Variants in MAX observed in about 807,000 individuals in gnomAD.
The protein encoded by MAX is protein max.
A neutral mutation model predicts 22.3 loss-of-function variants in MAX; 3 were observed. The observed-to-expected ratio is 0.13, with a 90% CI of 0.06 to 0.35. MAX has a LOEUF of 0.35. Among genes scored for constraint, MAX ranks in the 10% least tolerant of loss-of-function variants. The probability of loss-of-function intolerance (pLI) is 1.00; values close to 1 mark genes in which losing one functional copy is unlikely to be tolerated. For missense variants in MAX, 119 were observed against 209.4 expected (o/e 0.57, Z 2.66); for synonymous variants, 72 against 77.7 (o/e 0.93, Z 0.39).
In MAX at chr14:65,036,434, C is replaced by T. The variant is rs185183960; in HGVS notation, c.172-30150G>A. On this transcript the variant is annotated intron_variant, in intron 3 of 3. Transcript: ENST00000341653. ...GTGTTTTTAGTAGAGACGGGGTTTTCCCATGTTGCCCAGGCTGGTCTTAAA... is the reference window on the plus strand; with the variant it reads ...GTGTTTTTAGTAGAGACGGGGTTTTTCCATGTTGCCCAGGCTGGTCTTAAA... Among the ~76,000 whole-genome samples, 211 of 146,082 alleles carry T rather than the reference C, an allele frequency of 1.4e-3. 2 individuals are homozygous for T. Among genetic ancestry groups the T allele is most frequent in the Middle Eastern group, 8.6e-3 (2 of 232 alleles).
chr14:65,101,793 TC>T (rs1954993315), intron 1 of MAX: 2 of 581,826 alleles, frequency 3.4e-6, no homozygotes, highest in South Asian at 4.2e-5. Flanking sequence ...CCTTCCGGGA[TC>T]CGACCTGGGC....
intron 2 of MAX, among the ~76,000 whole-genome samples, chr14:65,097,039 A>T (rs1228177449): frequency 2.0e-5 from 3 of 152,224 alleles, no homozygotes; most frequent in Non-Finnish European, 4.4e-5. Context: ...TGGTCCACAG[A>T]TGCTCAACAG....
At chr14:65,096,943 A>G (rs2139919527) in intron 2 of MAX, among the ~76,000 whole-genome samples, 2 of 152,270 alleles carry the variant, frequency 1.3e-5, no homozygotes, top group Admixed American at 6.5e-5. Flanking sequence ...CCACTCTTCT[A>G]GTACGCTGGA....
At chr14:65,010,258 T>G (rs149337604) in intron 3 of MAX, among the ~76,000 whole-genome samples, 2 of 152,344 alleles carry the variant, frequency 1.3e-5, no homozygotes, top group African/African-American at 4.8e-5. Context: ...CTCCAAACCC[T>G]TAGAGATGGG....
intron 3 of MAX, among the ~76,000 whole-genome samples, chr14:65,016,912 C>T (rs1025723621): frequency 2.7e-5 from 4 of 146,856 alleles, no homozygotes; most frequent in African/African-American, 7.6e-5. Flanking sequence ...CAAAGAAAGG[C>T]CCACGTGGTT....
intron 2 of MAX, chr14:65,094,180 G>A (rs2063594897): frequency 3.0e-6 from 1 of 329,162 alleles, no homozygotes; most frequent in South Asian, 2.6e-5. Context: ...ACTAGAGAAA[G>A]CTCCAGTGGC....
At position 65,075,287 on chromosome 14, in the gene MAX, C is replaced by A; in HGVS notation, c.*1189G>T. The A allele has an allele frequency of 9.4e-7, 1 of 1,061,162 alleles. No individual in the cohort carries two copies. The highest frequency in any genetic ancestry group is 4.6e-5 in the South Asian group (1 of 21,932). The allele number at this position is 1,061,162 out of a possible 1,614,324, so 65.7% of individuals were successfully genotyped here. A position where few individuals can be genotyped will look rare whatever the true frequency, so the allele number is the denominator to read the frequency against. ...AGTATACACTAGAAATCAGCAAATG[C>A]CAGGAACGGAGTAGGAAAAAGACAA... On this transcript the variant is annotated 3_prime_UTR_variant, in exon 5 of 5. Coordinates refer to ENST00000358664, the MANE Select transcript of MAX (RefSeq NM_002382.5). The surrounding 1 kb of genome is among the most constrained non-coding windows in gnomAD (Gnocchi z 4.1).
intron 2 of MAX, among the ~76,000 whole-genome samples, chr14:65,099,802 T>C (rs933785133): frequency 2.6e-5 from 4 of 152,234 alleles, no homozygotes; most frequent in African/African-American, 9.6e-5. Context: ...TATATGAGAA[T>C]ACTTCAAGGA....
chr14:65,043,425 A>C (rs900847600), intron 3 of MAX, among the ~76,000 whole-genome samples: 9 of 152,202 alleles, frequency 5.9e-5, no homozygotes, highest in African/African-American at 1.9e-4. Context: ...AATTAGAATG[A>C]ATGGCTTCTG....
chr14:65,022,114 A>G, intron 3 of MAX: 1 of 455,038 alleles, frequency 2.2e-6, no homozygotes, highest in Non-Finnish European at 4.4e-6. Context: ...GTCATATTCT[A>G]CCTAGGGAAG....
intron 3 of MAX, among the ~76,000 whole-genome samples, chr14:65,052,037 A>C (rs937736435): frequency 5.9e-5 from 9 of 152,028 alleles, no homozygotes; most frequent in East Asian, 3.9e-4. Context: ...CCTCGTGATC[A>C]ACCCCCCTCA....
chr14:65,008,425 C>G (rs976808823), intron 3 of MAX, among the ~76,000 whole-genome samples: 4 of 152,374 alleles, frequency 2.6e-5, no homozygotes, highest in African/African-American at 7.2e-5. Flanking sequence ...GTGAGCAAGG[C>G]TAGCCCTGGG....
chr14:65,094,215 C>T (rs1302326856), intron 2 of MAX: 3 of 298,548 alleles, frequency 1.0e-5, no homozygotes, highest in South Asian at 6.4e-5. Flanking sequence ...TGATCACCTC[C>T]ACTGTAAGAG....
rs1336445449 is a variant in MAX at position 65,044,015 on chromosome 14, C to T, written c.172-37731G>A. On this transcript the variant is annotated intron_variant, in intron 3 of 3. Transcript: ENST00000341653. This position sits in a 1 kb window ranked among gnomAD's most constrained non-coding sequence, Gnocchi z 5.5. ...AAGGTCTCCTTACAAACCAGCTTGG[C>T]CTCTTTATCTTCTCAGCACTGGCAC... is the stretch of plus-strand genomic sequence containing the variant. 6.6e-6 allele frequency among the ~76,000 whole-genome samples: 1 copy of T among 152,162 alleles called. No individual in the cohort carries two copies. Among genetic ancestry groups the T allele is most frequent in the Non-Finnish European group, 1.5e-5 (1 of 68,024 alleles).
chr14:65,019,399 A>C lies in MAX; in HGVS notation c.172-13115T>G, dbSNP rs890033721. On this transcript the variant is annotated intron_variant, in intron 3 of 3. Transcript: ENST00000341653. Reference sequence around the variant, plus strand: ...CTACTCGGGAGACTGAAGCAGGAGAATTGCTTGAATCCGGGAGGCAGAGGT... The same window carrying C: ...CTACTCGGGAGACTGAAGCAGGAGACTTGCTTGAATCCGGGAGGCAGAGGT... Among the ~76,000 whole-genome samples the C allele has an allele frequency of 9.6e-5, 14 of 145,606 alleles. No homozygotes were observed. In the South Asian group the frequency reaches 1.8e-3, roughly 18 times the overall value.
At chr14:65,101,471 C>A (rs2063830618) in intron 2 of MAX, 75 bp downstream of exon 2, 2 of 1,276,606 alleles carry the variant, frequency 1.6e-6, no homozygotes, top group Admixed American at 1.9e-5. Context: ...ATAGTACGAT[C>A]TCTTTTTCTC....
At chr14:65,017,823 T>C (rs1200995494) in intron 3 of MAX, among the ~76,000 whole-genome samples, 2 of 151,822 alleles carry the variant, frequency 1.3e-5, no homozygotes, top group Non-Finnish European at 2.9e-5. Flanking sequence ...GGCATGGTGG[T>C]GCATGCCTGT....
intron 3 of MAX, among the ~76,000 whole-genome samples, chr14:65,046,225 C>T (rs544599754): frequency 6.6e-6 from 1 of 151,996 alleles, no homozygotes; most frequent in East Asian, 2.0e-4. Flanking sequence ...ATCTGTCCGC[C>T]TTGGCCTCCC....
intron 3 of MAX, among the ~76,000 whole-genome samples, chr14:65,042,621 C>T (rs75869478): frequency 2.6e-5 from 4 of 152,196 alleles, no homozygotes; most frequent in Non-Finnish European, 5.9e-5. Flanking sequence ...GGGTTAGGGA[C>T]CCCTGCTCTA....
Sources: allele counts gnomAD v4.1 joint callset (sites outside exome capture counted in the v4.1 genomes callset), GRCh38; gene constraint gnomAD v4.1.1; non-coding constraint Gnocchi (gnomAD v3.1); transcripts MANE v1.5; gene names NCBI Gene and HGNC (gene_info 2026-07-23, HGNC 2026-07-21).